The following CDYL2 variants were observed in gnomAD, a reference collection of about 807,000 sequenced individuals.
CDYL2 encodes chromodomain Y-like protein 2.
Under a neutral mutation model 49.4 loss-of-function variants are expected in CDYL2, and 23 were observed. That is an observed-to-expected ratio of 0.47 (90% CI 0.34 to 0.66). CDYL2 has a LOEUF of 0.66. CDYL2 is among the 30% of genes least tolerant of loss of function. CDYL2 has a pLI of 0.01. For synonymous variants in CDYL2, 360 were observed against 268.8 expected (o/e 1.34, Z -3.32); for missense variants, 678 against 656.4 (o/e 1.03, Z -0.36).
intron 2 of CDYL2, among the ~76,000 whole-genome samples, chr16:80,675,908 G>T (rs1024810922): frequency 6.6e-6 from 1 of 152,146 alleles, no homozygotes; most frequent in Non-Finnish European, 1.5e-5. Flanking sequence ...CTTTCCTAAG[G>T]ACATTGAGGG....
intron 1 of CDYL2, among the ~76,000 whole-genome samples, chr16:80,698,497 G>T (rs2142496931): frequency 6.6e-6 from 1 of 152,274 alleles, no homozygotes; most frequent in Non-Finnish European, 1.5e-5. Context: ...ATAAGCATAT[G>T]TGATACGGTT....
chr16:80,776,854 G>A (rs1907101209), intron 1 of CDYL2, among the ~76,000 whole-genome samples: 1 of 150,664 alleles, frequency 6.6e-6, no homozygotes, highest in Admixed American at 6.6e-5. Flanking sequence ...GTCTCCCTCT[G>A]TCGCCTAGGC....
intron 1 of CDYL2, among the ~76,000 whole-genome samples, chr16:80,722,362 T>C (rs993752936): frequency 6.6e-6 from 1 of 152,184 alleles, no homozygotes; most frequent in African/African-American, 2.4e-5. Flanking sequence ...TAACAGAGCA[T>C]CTTATAATCT....
intron 1 of CDYL2, among the ~76,000 whole-genome samples, chr16:80,772,600 G>A (rs1268560293): frequency 2.0e-5 from 3 of 152,158 alleles, no homozygotes; most frequent in African/African-American, 4.8e-5. Context: ...CTACAGGCAC[G>A]TGCCACCACG....
chr16:80,716,665 T>C (rs533188470), intron 1 of CDYL2, among the ~76,000 whole-genome samples: 33 of 148,530 alleles, frequency 2.2e-4, no homozygotes, highest in African/African-American at 6.7e-4. Context: ...ACTGGATGAA[T>C]AGATGATTGG....
At chr16:80,653,489 G>A (rs1258012554) in intron 2 of CDYL2, among the ~76,000 whole-genome samples, 1 of 151,908 alleles carries the variant, frequency 6.6e-6, no homozygotes, top group East Asian at 1.9e-4. Flanking sequence ...GCAAACAAAC[G>A]AAAAAACAAA....
chr16:80,765,728 CAAAA>C (rs35740729), intron 1 of CDYL2, among the ~76,000 whole-genome samples: 56 of 55,190 alleles, frequency 1.0e-3, no homozygotes, highest in Middle Eastern at 0.014. Context: ...GTATTAATCG[CAAAA>C]AAAAAAAAAA....
At chr16:80,782,789 T>G (rs1292655372) in intron 1 of CDYL2, among the ~76,000 whole-genome samples, 1 of 151,980 alleles carries the variant, frequency 6.6e-6, no homozygotes, top group Admixed American at 6.6e-5. Flanking sequence ...TTTGAAAAAT[T>G]CAATACCCTA....
At chr16:80,726,125 A>G (rs1905155178) in intron 1 of CDYL2, among the ~76,000 whole-genome samples, 1 of 152,264 alleles carries the variant, frequency 6.6e-6, no homozygotes, top group Admixed American at 6.5e-5. Flanking sequence ...ATTGCTCATC[A>G]GTTCAAACGG....
intron 2 of CDYL2, among the ~76,000 whole-genome samples, chr16:80,656,136 T>A (rs1175129531): frequency 6.6e-6 from 1 of 152,230 alleles, no homozygotes; most frequent in African/African-American, 2.4e-5. Flanking sequence ...TACCTACTCT[T>A]CGGGCTGTTT....
chr16:80,695,945 G>A (rs900398095), intron 1 of CDYL2, among the ~76,000 whole-genome samples: 9 of 152,126 alleles, frequency 5.9e-5, no homozygotes, highest in African/African-American at 1.4e-4. Flanking sequence ...GCTGCAGAAC[G>A]CATATTCTTC....
At chr16:80,618,649 A>G (rs1906939948) in intron 4 of CDYL2, among the ~76,000 whole-genome samples, 2 of 152,164 alleles carry the variant, frequency 1.3e-5, no homozygotes, top group Admixed American at 1.3e-4. Context: ...CCTGCATGCA[A>G]GAAGGATCCC....
At chr16:80,619,653 G>C (rs1906988694) in intron 4 of CDYL2, among the ~76,000 whole-genome samples, 1 of 152,154 alleles carries the variant, frequency 6.6e-6, no homozygotes, top group South Asian at 2.1e-4. Flanking sequence ...AACTGTGTGG[G>C]CACAGCCAGG....
chr16:80,734,691 G>T (rs1486683111), intron 1 of CDYL2, among the ~76,000 whole-genome samples: 1 of 152,100 alleles, frequency 6.6e-6, no homozygotes, highest in African/African-American at 2.4e-5. Context: ...ACCATGTTGG[G>T]CCCTGGGAGC....
chr16:80,652,820 C>G (rs1462753051), intron 2 of CDYL2, among the ~76,000 whole-genome samples: 2 of 152,158 alleles, frequency 1.3e-5, no homozygotes. Context: ...CAAACAAATC[C>G]CAACTGAGGG....
chr16:80,717,878 C>T, intron 1 of CDYL2, among the ~76,000 whole-genome samples: 1 of 152,182 alleles, frequency 6.6e-6, no homozygotes, highest in East Asian at 1.9e-4. Context: ...ACAGTTATCC[C>T]ACATGGTTCG....
At chr16:80,693,055 G>C (rs1218794214) in intron 1 of CDYL2, among the ~76,000 whole-genome samples, 1 of 142,240 alleles carries the variant, frequency 7.0e-6, no homozygotes, top group Non-Finnish European at 1.5e-5. Context: ...GAAGGGGCCA[G>C]ACTCAGAAGA....
intron 1 of CDYL2, among the ~76,000 whole-genome samples, chr16:80,711,151 T>C (rs956558685): frequency 3.3e-5 from 5 of 152,198 alleles, no homozygotes. Context: ...ACGCAGGCTG[T>C]GTTATTGGGT....
rs1567597502 is a variant in CDYL2, at chr16:80,759,122, A to ATATATATATATATATATATATGGTT, written c.24+45027_24+45028insAACCATATATATATATATATATATA. 1.7e-3 allele frequency among the ~76,000 whole-genome samples: 215 copies of ATATATATATATATATATATATGGTT among 127,770 alleles called. 2 individuals are homozygous for ATATATATATATATATATATATGGTT. The highest frequency in any genetic ancestry group is 6.7e-3 in the African/African-American group (201 of 29,904). 83.8% of individuals were successfully genotyped at this position (127,770 alleles called of 152,430 possible). On this transcript the variant is annotated intron_variant, in intron 1 of 6. Coordinates refer to ENST00000570137, the MANE Select transcript of CDYL2 (RefSeq NM_152342.4). ...ATATACTATATATATATATATATAT[A>ATATATATATATATATATATATGGTT]TATATATATATATATATGGTTTATA...
Sources: gnomAD v4.1 joint callset for allele counts (sites outside exome capture counted in the v4.1 genomes callset) on GRCh38, gnomAD v4.1.1 for gene constraint, MANE v1.5 for transcripts, NCBI Gene and HGNC (gene_info 2026-07-23, HGNC 2026-07-21) for gene names.